The following XXYLT1 variants were observed in gnomAD, a reference collection of about 807,000 sequenced individuals.
XXYLT1 encodes the protein xyloside xylosyltransferase 1, also known as UDP-xylose:alpha-xyloside alpha-1,3-xylosyltransferase.
In XXYLT1, 20 loss-of-function variants were observed where a neutral mutation model predicts 28.9. The ratio of observed to expected loss-of-function variants is 0.69; its 90% confidence interval spans 0.49 to 1.00. The LOEUF is 1.00. XXYLT1 is among the 50% of genes least tolerant of loss of function. XXYLT1 has a pLI of 0.00. For missense variants in XXYLT1, 542 were observed against 560.1 expected (o/e 0.97, Z 0.33); for synonymous variants, 257 against 253.8 (o/e 1.01, Z -0.12).
At chr3:195,151,315 G>A (rs369775606) in intron 3 of XXYLT1, among the ~76,000 whole-genome samples, 3 of 152,060 alleles carry the variant, frequency 2.0e-5, no homozygotes, top group African/African-American at 4.8e-5. Context: ...AGGCTGAGGC[G>A]GGCGGATCAC....
At chr3:195,104,561 A>G (rs979776329) in intron 3 of XXYLT1, among the ~76,000 whole-genome samples, 8 of 152,146 alleles carry the variant, frequency 5.3e-5, no homozygotes, top group African/African-American at 1.4e-4. Flanking sequence ...TCAAGCTCCC[A>G]GAGAGCAAGG....
chr3:195,243,911 G>C (rs775303078), intron 1 of XXYLT1, among the ~76,000 whole-genome samples: 5 of 152,142 alleles, frequency 3.3e-5, no homozygotes, highest in Non-Finnish European at 4.4e-5. Flanking sequence ...CAGCTGAGAG[G>C]GGAAAAGCAG....
chr3:195,203,609 C>G (rs1722944928), intron 2 of XXYLT1, among the ~76,000 whole-genome samples: 1 of 152,210 alleles, frequency 6.6e-6, no homozygotes, highest in South Asian at 2.1e-4. Flanking sequence ...AGCCACCACT[C>G]AGGCCTTTAA....
chr3:195,270,578 G>C lies in XXYLT1; in HGVS notation c.481C>G (p.Pro161Ala). ...ACCTTGCACTTGAAGCCAGCGGCGGGCGGCAGGAGCTCCCGCAGCAGGCCC... is the reference window on the plus strand; with the variant it reads ...ACCTTGCACTTGAAGCCAGCGGCGGCCGGCAGGAGCTCCCGCAGCAGGCCC... ...AKGLLRELLP[P>A]AAGFKCKVIF... The change falls in exon 1 of 4, where the codon CCC (proline) becomes GCC (alanine). Residue 161 changes from proline (P) to alanine (A), a missense_variant. Physicochemically the swap from Pro to Ala is conservative, Grantham distance 27 (BLOSUM62 -1). Coordinates refer to ENST00000310380, the MANE Select transcript of XXYLT1 (RefSeq NM_152531.5). The C allele has an allele frequency of 7.2e-7, 1 of 1,385,596 alleles. No individual in the cohort carries two copies. The highest frequency in any genetic ancestry group is 1.6e-5 in the South Asian group (1 of 62,852). The allele number at this position is 1,385,596 out of a possible 1,614,324, so 85.8% of individuals were successfully genotyped here. A position where few individuals can be genotyped will look rare whatever the true frequency, so the allele number is the denominator to read the frequency against.
chr3:195,138,674 G>C (rs1719321246), intron 3 of XXYLT1, among the ~76,000 whole-genome samples: 1 of 152,046 alleles, frequency 6.6e-6, no homozygotes. Context: ...GGTCAGCATG[G>C]TGAAACCCCG....
chr3:195,196,219 C>T (rs185657595), intron 2 of XXYLT1, among the ~76,000 whole-genome samples: 131 of 151,108 alleles, frequency 8.7e-4, no homozygotes, highest in Non-Finnish European at 1.6e-3. Flanking sequence ...ATTTTCTTTA[C>T]TTTTAATTAA....
chr3:195,180,517 T>C lies in XXYLT1; in HGVS notation c.653-23936A>G. On this transcript the variant is annotated intron_variant, in intron 2 of 3. Coordinates refer to ENST00000310380, the MANE Select transcript of XXYLT1 (RefSeq NM_152531.5). This position sits in a 1 kb window ranked among gnomAD's most constrained non-coding sequence, Gnocchi z 5.8. ...GCTCCTCTTCCTGGCTCTGTAGCCC[T>C]TGAAAAGAAGCAAACAAACAGATAA... 7 of 985,514 alleles carry C rather than the reference T, an allele frequency of 7.1e-6. No homozygotes were observed. Among genetic ancestry groups the C allele is most frequent in the African/African-American group, 1.7e-5 (1 of 57,356 alleles). The allele number at this position is 985,514 out of a possible 1,614,324, so 61.0% of individuals were successfully genotyped here.
intron 3 of XXYLT1, chr3:195,122,045 T>C: frequency 1.4e-6 from 1 of 702,994 alleles, no homozygotes; most frequent in Non-Finnish European, 2.6e-6. Context: ...GGCTGGGAAG[T>C]CCAAGACCAA....
chr3:195,153,706 C>G (rs1720405543), intron 3 of XXYLT1, among the ~76,000 whole-genome samples: 1 of 152,200 alleles, frequency 6.6e-6, no homozygotes, highest in African/African-American at 2.4e-5. Context: ...CCTAGATCTA[C>G]AGAAAATACA....
At chr3:195,208,501 C>T (rs898694842) in intron 2 of XXYLT1, among the ~76,000 whole-genome samples, 5 of 152,126 alleles carry the variant, frequency 3.3e-5, no homozygotes, top group Non-Finnish European at 5.9e-5. Context: ...AAATGAACAA[C>T]GTATGACCTG....
Position 195,270,545 on chromosome 3 carries a change from G to T in XXYLT1, c.504+10C>A. 2 of 1,378,728 alleles carry T rather than the reference G, an allele frequency of 1.5e-6. No homozygotes were observed. Among genetic ancestry groups the T allele is most frequent in the Non-Finnish European group, 1.9e-6 (2 of 1,069,550 alleles). The allele number at this position is 1,378,728 out of a possible 1,614,324, so 85.4% of individuals were successfully genotyped here. On this transcript the variant is annotated intron_variant, in intron 1 of 3. Coordinates refer to ENST00000310380, the MANE Select transcript of XXYLT1 (RefSeq NM_152531.5). ...CACCCACCGGGAGCCCCCAGCCGCG[G>T]CCCGCTCACCTTGCACTTGAAGCCA...
At chr3:195,134,826 GGT>G (rs3073321) in intron 3 of XXYLT1, among the ~76,000 whole-genome samples, 25,603 of 145,342 alleles carry the variant, frequency 0.18, 2,150 homozygotes, top group Non-Finnish European at 0.19. Context: ...CGTGAAGAGG[GGT>G]GTGTGTGTGT....
intron 2 of XXYLT1, among the ~76,000 whole-genome samples, chr3:195,196,136 G>C (rs1260739307): frequency 1.3e-5 from 2 of 152,236 alleles, no homozygotes; most frequent in South Asian, 4.1e-4. Context: ...CTGTCCAATA[G>C]AGTAGCTGCT....
At position 195,256,021 on chromosome 3, in the gene XXYLT1, G is replaced by A. The variant is rs567658320; in HGVS notation, c.504+14534C>T. Reference sequence around the variant, plus strand: ...TGTTCTGTGCCACCCAGCTGACCAGGGGAAGAGGCCACCCAGCCAGCAGCA... The same window carrying A: ...TGTTCTGTGCCACCCAGCTGACCAGAGGAAGAGGCCACCCAGCCAGCAGCA... On this transcript the variant is annotated intron_variant, in intron 1 of 3. Transcript: ENST00000310380. The surrounding 1 kb of genome is among the most constrained non-coding windows in gnomAD (Gnocchi z 4.2). Among the ~76,000 whole-genome samples the A allele has an allele frequency of 9.9e-5, 15 of 152,270 alleles. No individual in the cohort carries two copies. Among genetic ancestry groups the A allele is most frequent in the African/African-American group, 3.4e-4 (14 of 41,564 alleles).
In XXYLT1 at chr3:195,169,870, T is replaced by TA. The variant is rs1491255221; in HGVS notation, c.653-13290_653-13289insT. Among the ~76,000 whole-genome samples the TA allele has an allele frequency of 3.8e-3, 333 of 87,854 alleles. 2 individuals are homozygous for TA. The highest frequency in any genetic ancestry group is 0.013 in the East Asian group (20 of 1,578). 57.6% of individuals were successfully genotyped at this position (87,854 alleles called of 152,430 possible). On this transcript the variant is annotated intron_variant, in intron 2 of 3. Coordinates refer to ENST00000310380, the MANE Select transcript of XXYLT1 (RefSeq NM_152531.5). ...GTGTGTACATATATATATATATATA[T>TA]TTTTTTTTTTTTGAGATGGAGTTTT...
At chr3:195,175,507 TGA>T (rs567765445) in intron 2 of XXYLT1, 132,266 of 1,459,098 alleles carry the variant, frequency 0.091, 7,406 homozygotes, top group East Asian at 0.25. Flanking sequence ...TGTTGCATGT[TGA>T]CTTTGCTGCA....
chr3:195,110,210 G>A (rs1244125407), intron 3 of XXYLT1, among the ~76,000 whole-genome samples: 93 of 15,294 alleles, frequency 6.1e-3, no homozygotes, highest in East Asian at 0.018. Flanking sequence ...TGTGTGGTGT[G>A]TGCGTGTGTG....
rs540218114 is a variant in XXYLT1 at position 195,076,630 on chromosome 3, C to T, written c.786-6519G>A. Among the ~76,000 whole-genome samples, 11 of 152,256 alleles carry T rather than the reference C, an allele frequency of 7.2e-5. No homozygotes were observed. The highest frequency in any genetic ancestry group is 2.1e-4 in the South Asian group (1 of 4,824). On this transcript the variant is annotated intron_variant, in intron 3 of 3. Coordinates refer to ENST00000310380, the MANE Select transcript of XXYLT1 (RefSeq NM_152531.5). This position sits in a 1 kb window ranked among gnomAD's most constrained non-coding sequence, Gnocchi z 5.3. ...AGAAAGGTGCTGCCTCTCCGTTCGG[C>T]GGGCTGGAAGTCCAAGATCACAGTG...
At chr3:195,177,128 T>C (rs1577111693) in intron 2 of XXYLT1, among the ~76,000 whole-genome samples, 1 of 152,330 alleles carries the variant, frequency 6.6e-6, no homozygotes, top group East Asian at 1.9e-4. Context: ...CTCCTGAACC[T>C]CCTGTGGGCT....
Sources: allele counts gnomAD v4.1 joint callset (sites outside exome capture counted in the v4.1 genomes callset), GRCh38; gene constraint gnomAD v4.1.1; non-coding constraint Gnocchi (gnomAD v3.1); transcripts MANE v1.5; gene names NCBI Gene and HGNC (gene_info 2026-07-23, HGNC 2026-07-21).